The following UNC5D variants were observed in gnomAD, a reference collection of about 807,000 sequenced individuals.
The protein encoded by UNC5D is netrin receptor UNC5D.
UNC5D carries 39 observed loss-of-function variants against 105.4 expected under a neutral mutation model. The observed-to-expected ratio is 0.37, with a 90% CI of 0.29 to 0.48. The LOEUF is 0.48. UNC5D is among the 20% of genes least tolerant of loss of function. The pLI is 0.98. For synonymous variants in UNC5D, 452 were observed against 450.4 expected (o/e 1.00, Z -0.04); for missense variants, 991 against 1,202.4 (o/e 0.82, Z 2.60).
chr8:35,563,434 CAT>C lies in UNC5D; in HGVS notation c.323-4661_323-4660del, dbSNP rs1199744757. 7.2e-5 allele frequency among the ~76,000 whole-genome samples: 11 copies of C among 151,896 alleles called. No individual in the cohort carries two copies. In the South Asian group the frequency reaches 2.3e-3, roughly 32 times the overall value. ...TCTTTTTCAGATTATTCATCACTAACATATTTAATTGCTACTGATATTTGTAC... is the reference window on the plus strand; with the variant it reads ...TCTTTTTCAGATTATTCATCACTAACATTTAATTGCTACTGATATTTGTAC... On this transcript the variant is annotated intron_variant, in intron 2 of 16. Coordinates refer to ENST00000404895, the MANE Select transcript of UNC5D (RefSeq NM_080872.4).
intron 14 of UNC5D, among the ~76,000 whole-genome samples, chr8:35,766,367 G>A (rs1328922653): frequency 6.6e-6 from 1 of 151,948 alleles, no homozygotes; most frequent in African/African-American, 2.4e-5. Flanking sequence ...GTATATGTGT[G>A]TGATTTTGCA....
chr8:35,790,165 A>G (rs541783383), intron 16 of UNC5D, among the ~76,000 whole-genome samples, 194 bp from the exon 17 acceptor site: 1 of 152,280 alleles, frequency 6.6e-6, no homozygotes, highest in Non-Finnish European at 1.5e-5. Context: ...GTTATTGGTA[A>G]CATTCCACAG....
chr8:35,506,721 A>G (rs1178186738), intron 1 of UNC5D, among the ~76,000 whole-genome samples: 5 of 152,198 alleles, frequency 3.3e-5, no homozygotes, highest in Non-Finnish European at 7.3e-5. Context: ...CACTGATTGA[A>G]TACTTTTAGG....
chr8:35,521,564 A>G (rs1188594179), intron 1 of UNC5D, among the ~76,000 whole-genome samples: 1 of 152,176 alleles, frequency 6.6e-6, no homozygotes, highest in African/African-American at 2.4e-5. Flanking sequence ...AACAAAAACA[A>G]AACAGGAGTC....
intron 2 of UNC5D, among the ~76,000 whole-genome samples, chr8:35,557,339 T>A (rs1816627287): frequency 6.6e-6 from 1 of 152,168 alleles, no homozygotes; most frequent in Non-Finnish European, 1.5e-5. Flanking sequence ...CGTGGAGTGC[T>A]TATTATCCTG....
intron 1 of UNC5D, among the ~76,000 whole-genome samples, chr8:35,261,195 T>C (rs187148647): frequency 3.9e-5 from 6 of 152,340 alleles, no homozygotes; most frequent in African/African-American, 1.4e-4. Context: ...TTAAAATTCA[T>C]GCACAGTAGC....
intron 3 of UNC5D, among the ~76,000 whole-genome samples, chr8:35,574,833 G>A (rs975679824): frequency 1.3e-5 from 2 of 152,046 alleles, no homozygotes; most frequent in African/African-American, 4.8e-5. Context: ...TTAGAGTCTA[G>A]GATGTGGGAC....
intron 1 of UNC5D, among the ~76,000 whole-genome samples, chr8:35,411,456 T>C (rs1440665623): frequency 6.6e-6 from 1 of 152,082 alleles, no homozygotes. Context: ...ATATTTTTTA[T>C]GGGGCAGAGA....
At chr8:35,624,965 T>C (rs1245022007) in intron 4 of UNC5D, among the ~76,000 whole-genome samples, 2 of 152,228 alleles carry the variant, frequency 1.3e-5, no homozygotes, top group African/African-American at 2.4e-5. Context: ...CCCTTAATTA[T>C]TGTAATCTGC....
intron 1 of UNC5D, among the ~76,000 whole-genome samples, chr8:35,440,588 C>G (rs1241944668): frequency 6.6e-6 from 1 of 151,980 alleles, no homozygotes; most frequent in Non-Finnish European, 1.5e-5. Flanking sequence ...AAGTACCTAA[C>G]TAGCATGCTA....
chr8:35,279,150 G>C (rs1472754412), intron 1 of UNC5D, among the ~76,000 whole-genome samples: 1 of 152,224 alleles, frequency 6.6e-6, no homozygotes, highest in Admixed American at 6.5e-5. Flanking sequence ...AGGCCACGGA[G>C]TATGCTGAAT....
At chr8:35,279,956 C>A (rs1290400592) in intron 1 of UNC5D, among the ~76,000 whole-genome samples, 1 of 152,150 alleles carries the variant, frequency 6.6e-6, no homozygotes, top group Non-Finnish European at 1.5e-5. Flanking sequence ...GTTAAAGGTC[C>A]AAGCATATGA....
chr8:35,239,993 T>C (rs1175507133), intron 1 of UNC5D, among the ~76,000 whole-genome samples: 1 of 152,046 alleles, frequency 6.6e-6, no homozygotes, highest in African/African-American at 2.4e-5. Context: ...AGGAGTGCAG[T>C]GGTGCCATCA....
At chr8:35,674,969 T>C (rs985865393) in intron 4 of UNC5D, among the ~76,000 whole-genome samples, 3 of 152,212 alleles carry the variant, frequency 2.0e-5, no homozygotes, top group African/African-American at 7.2e-5. Context: ...CTACCACTTA[T>C]ACATCTCTAA....
At chr8:35,449,028 T>C (rs1285121942) in intron 1 of UNC5D, among the ~76,000 whole-genome samples, 1 of 152,154 alleles carries the variant, frequency 6.6e-6, no homozygotes, top group African/African-American at 2.4e-5. Flanking sequence ...GCAGAGTAGA[T>C]GTTCAATAAA....
chr8:35,355,456 C>A (rs980503923), intron 1 of UNC5D, among the ~76,000 whole-genome samples: 8 of 152,134 alleles, frequency 5.3e-5, no homozygotes, highest in African/African-American at 1.9e-4. Context: ...CTATTATAAT[C>A]TAACCATCAT....
chr8:35,466,524 T>C (rs1299044543), intron 1 of UNC5D, among the ~76,000 whole-genome samples: 4 of 152,186 alleles, frequency 2.6e-5, no homozygotes, highest in Admixed American at 6.5e-5. Flanking sequence ...TGCAACACAT[T>C]GGAAATGGTA....
rs139666767 is a variant in UNC5D, at chr8:35,322,040, C to T, written c.103+86153C>T. On this transcript the variant is annotated intron_variant, in intron 1 of 16. Coordinates refer to ENST00000404895, the MANE Select transcript of UNC5D (RefSeq NM_080872.4). ...GTATGTAAAATGCTCAGCCCAGTGA[C>T]TTGAACATAGTAGATGTTCGCTTTT... Among the ~76,000 whole-genome samples, 237 of 152,288 alleles carry T rather than the reference C, an allele frequency of 1.6e-3. 1 individual carries two copies. The highest frequency in any genetic ancestry group is 5.4e-3 in the African/African-American group (225 of 41,568).
intron 1 of UNC5D, among the ~76,000 whole-genome samples, chr8:35,452,756 A>C (rs1267168516): frequency 6.6e-6 from 1 of 152,168 alleles, no homozygotes. Context: ...ATAGAAAAAT[A>C]AGTGGGTATT....
Sources: gnomAD v4.1 joint callset for allele counts (sites outside exome capture counted in the v4.1 genomes callset) on GRCh38, gnomAD v4.1.1 for gene constraint, MANE v1.5 for transcripts, NCBI Gene and HGNC (gene_info 2026-07-23, HGNC 2026-07-21) for gene names.